The following ADAMTS12 variants were observed in gnomAD, a reference collection of about 807,000 sequenced individuals.
ADAMTS12 encodes the protein ADAM metallopeptidase with thrombospondin type 1 motif 12.
ADAMTS12 carries 118 observed loss-of-function variants against 167.8 expected under a neutral mutation model. That is an observed-to-expected ratio of 0.70 (90% CI 0.61 to 0.82). ADAMTS12 has a LOEUF of 0.82. Among genes scored for constraint, ADAMTS12 ranks in the 40% least tolerant of loss-of-function variants. ADAMTS12 has a pLI of 0.00. For missense variants in ADAMTS12, 1,916 were observed against 1,998.8 expected, an observed-to-expected ratio of 0.96 and a Z score of 0.79; for synonymous variants, 704 against 716.9, an observed-to-expected ratio of 0.98 and a Z score of 0.29.
chr5:33,890,025 T>C (rs1258504883), intron 1 of ADAMTS12, among the ~76,000 whole-genome samples: 1 of 152,206 alleles, frequency 6.6e-6, no homozygotes, highest in Non-Finnish European at 1.5e-5. Context: ...GAGCACTTTA[T>C]AGGTTTTTTG....
chr5:33,732,225 C>T (rs946373267), intron 3 of ADAMTS12, among the ~76,000 whole-genome samples: 5 of 152,052 alleles, frequency 3.3e-5, no homozygotes, highest in African/African-American at 1.2e-4. Flanking sequence ...TTGTAAACCA[C>T]ATAGAAGTGC....
chr5:33,668,681 A>G (rs1308447236), intron 5 of ADAMTS12, among the ~76,000 whole-genome samples: 2 of 152,094 alleles, frequency 1.3e-5, no homozygotes, highest in Non-Finnish European at 2.9e-5. Flanking sequence ...ACGGGGTTTC[A>G]CCATGTTGGC....
intron 3 of ADAMTS12, among the ~76,000 whole-genome samples, chr5:33,747,121 G>C (rs756647218): frequency 3.3e-5 from 5 of 152,006 alleles, no homozygotes; most frequent in African/African-American, 7.2e-5. Context: ...TTTTTGCTCC[G>C]GGGAAAAAAG....
At chr5:33,629,078 A>G (rs11749644) in intron 13 of ADAMTS12, among the ~76,000 whole-genome samples, 52,613 of 151,994 alleles carry the variant, frequency 0.35, 10,259 homozygotes, top group African/African-American at 0.54. Flanking sequence ...TGGGATGTGG[A>G]GTCTGGGCAT....
At chr5:33,826,281 T>C (rs10043848) in intron 2 of ADAMTS12, among the ~76,000 whole-genome samples, 2,944 of 152,196 alleles carry the variant, frequency 0.019, 104 homozygotes, top group African/African-American at 0.067. Flanking sequence ...TCCTCAGCTA[T>C]GGAACTTAAA....
intron 3 of ADAMTS12, among the ~76,000 whole-genome samples, chr5:33,736,571 C>T (rs1318184908): frequency 2.0e-5 from 3 of 152,160 alleles, no homozygotes; most frequent in African/African-American, 7.2e-5. Flanking sequence ...AAGCACAAGC[C>T]TCACACAGAA....
At chr5:33,614,516 T>G in intron 15 of ADAMTS12, 140 bp from the exon 16 acceptor site, 287 of 850,854 alleles carry the variant, frequency 3.4e-4, no homozygotes, top group Non-Finnish European at 4.4e-4. Flanking sequence ...AATAGATCTA[T>G]ACCTATGTCT....
intron 2 of ADAMTS12, among the ~76,000 whole-genome samples, chr5:33,875,753 C>T (rs1750205858): frequency 6.6e-6 from 1 of 152,138 alleles, no homozygotes; most frequent in South Asian, 2.1e-4. Context: ...GGAGAAAAGG[C>T]AAGAGATGTT....
At chr5:33,646,255 T>C (rs1740659206) in intron 9 of ADAMTS12, among the ~76,000 whole-genome samples, 1 of 152,146 alleles carries the variant, frequency 6.6e-6, no homozygotes, top group Non-Finnish European at 1.5e-5. Context: ...TTTAAGTGCA[T>C]CCTTGAGTCA....
At chr5:33,647,362 A>C (rs1216720755) in intron 9 of ADAMTS12, among the ~76,000 whole-genome samples, 2 of 152,170 alleles carry the variant, frequency 1.3e-5, no homozygotes, top group African/African-American at 4.8e-5. Context: ...TTAGAAAATG[A>C]ATCAGAGTTG....
intron 14 of ADAMTS12, among the ~76,000 whole-genome samples, chr5:33,620,759 C>A (rs1031413520): frequency 6.6e-6 from 1 of 152,112 alleles, no homozygotes; most frequent in Non-Finnish European, 1.5e-5. Flanking sequence ...TCATGGCATA[C>A]CTTTTTCTTA....
At chr5:33,827,740 T>C (rs1414024926) in intron 2 of ADAMTS12, among the ~76,000 whole-genome samples, 2 of 151,518 alleles carry the variant, frequency 1.3e-5, no homozygotes, top group East Asian at 1.9e-4. Context: ...GATAGATAGA[T>C]AGATAGATAG....
At chr5:33,527,490 A>T in intron 23 of ADAMTS12, 124 bp from the exon 24 acceptor site, 1 of 904,200 alleles carries the variant, frequency 1.1e-6, no homozygotes, top group South Asian at 1.8e-5. Context: ...ACAATTCATA[A>T]TAGGTGGTAT....
chr5:33,598,921 C>T (rs1738046126), intron 16 of ADAMTS12, among the ~76,000 whole-genome samples: 1 of 152,200 alleles, frequency 6.6e-6, no homozygotes, highest in South Asian at 2.1e-4. Context: ...CAAGCAACTT[C>T]ATCTGCTGCA....
chr5:33,631,676 T>C (rs901938953), intron 12 of ADAMTS12, among the ~76,000 whole-genome samples: 13 of 152,216 alleles, frequency 8.5e-5, no homozygotes, highest in African/African-American at 2.9e-4. Flanking sequence ...ATAGATAACA[T>C]TTAAATCACA....
chr5:33,787,608 G>A (rs1746375679), intron 2 of ADAMTS12, among the ~76,000 whole-genome samples: 2 of 152,184 alleles, frequency 1.3e-5, no homozygotes, highest in Admixed American at 1.3e-4. Context: ...GCCACATGCT[G>A]GCACAGAGGC....
chr5:33,645,451 C>T (rs537470903), intron 9 of ADAMTS12, among the ~76,000 whole-genome samples: 1 of 152,214 alleles, frequency 6.6e-6, no homozygotes, highest in Admixed American at 6.5e-5. Flanking sequence ...AGTTCTAAAT[C>T]CTGGCCCTGG....
At chr5:33,875,134 A>C (rs1299858816) in intron 2 of ADAMTS12, among the ~76,000 whole-genome samples, 1 of 152,200 alleles carries the variant, frequency 6.6e-6, no homozygotes, top group Non-Finnish European at 1.5e-5. Flanking sequence ...ATTCTATAAA[A>C]TGCAAAACTA....
intron 17 of ADAMTS12, among the ~76,000 whole-genome samples, chr5:33,593,501 G>T (rs1314708158): frequency 6.6e-6 from 1 of 152,202 alleles, no homozygotes; most frequent in African/African-American, 2.4e-5. Flanking sequence ...TTGCTTACAG[G>T]CTTAAATGAT....
Sources: allele counts gnomAD v4.1 joint callset (sites outside exome capture counted in the v4.1 genomes callset), GRCh38; gene constraint gnomAD v4.1.1; transcripts MANE v1.5; gene names NCBI Gene and HGNC (gene_info 2026-07-23, HGNC 2026-07-21).